CADPS2: variants seen among roughly 807,000 people sequenced by gnomAD.
CADPS2 encodes the protein calcium dependent secretion activator 2.
In CADPS2, 93 loss-of-function variants were observed where a neutral mutation model predicts 172.5. That is an observed-to-expected ratio of 0.54 (90% CI 0.46 to 0.64). The LOEUF (loss-of-function observed/expected upper bound fraction) is 0.64, where lower values mean the gene tolerates loss of function less well. Among genes scored for constraint, CADPS2 ranks in the 30% least tolerant of loss-of-function variants. The pLI is 0.00. For synonymous variants in CADPS2, 546 were observed against 555.2 expected (o/e 0.98, Z 0.23); for missense variants, 1,420 against 1,565.9 (o/e 0.91, Z 1.57).
At chr7:122,378,624 A>C (rs1345452498) in intron 25 of CADPS2, 2 of 151,922 alleles carry the variant, frequency 1.3e-5, no homozygotes, top group African/African-American at 4.8e-5. Context: ...AAGAAGCCTG[A>C]TTTGGGGCTT....
At chr7:122,654,261 C>A (rs1348552590) in intron 3 of CADPS2, among the ~76,000 whole-genome samples, 2 of 152,186 alleles carry the variant, frequency 1.3e-5, no homozygotes, top group Non-Finnish European at 2.9e-5. Context: ...TCCAGAAGAT[C>A]TAGCTAAGAT....
intron 2 of CADPS2, among the ~76,000 whole-genome samples, chr7:122,694,032 A>G (rs769531971): frequency 1.3e-5 from 2 of 152,234 alleles, no homozygotes; most frequent in African/African-American, 2.4e-5. Context: ...GGTTGACATC[A>G]GATAATAATA....
At chr7:122,745,197 ATAT>A (rs942730067) in intron 1 of CADPS2, among the ~76,000 whole-genome samples, 4 of 151,924 alleles carry the variant, frequency 2.6e-5, no homozygotes, top group Admixed American at 6.6e-5. Context: ...AATATAAAAT[ATAT>A]TATTATTAAT....
chr7:122,775,090 G>A (rs2093833661), intron 1 of CADPS2, among the ~76,000 whole-genome samples: 1 of 152,052 alleles, frequency 6.6e-6, no homozygotes, highest in Admixed American at 6.6e-5. Flanking sequence ...TTGCTAGGTT[G>A]TTTTGTGTTA....
At chr7:122,486,391 C>G (rs1478997717) in intron 11 of CADPS2, among the ~76,000 whole-genome samples, 1 of 152,066 alleles carries the variant, frequency 6.6e-6, no homozygotes, top group Non-Finnish European at 1.5e-5. Flanking sequence ...TCAGGGATAA[C>G]TTTAAGGGAT....
chr7:122,720,339 T>C (rs529472515), intron 2 of CADPS2, among the ~76,000 whole-genome samples: 9 of 152,048 alleles, frequency 5.9e-5, no homozygotes, highest in African/African-American at 9.6e-5. Flanking sequence ...AATGCTGTAA[T>C]TGTATATTCT....
intron 1 of CADPS2, 55 bp downstream of exon 1, chr7:122,885,944 G>T: frequency 1.3e-6 from 2 of 1,558,894 alleles, no homozygotes; most frequent in South Asian, 1.2e-5. Context: ...GAGCTCTCCC[G>T]GGAGAAAAAC....
chr7:122,425,832 G>GT (rs1252556717), intron 17 of CADPS2: 1 of 152,054 alleles, frequency 6.6e-6, no homozygotes, highest in Non-Finnish European at 1.5e-5. Flanking sequence ...ATTCCTTCCT[G>GT]TTTTTTAAGT....
Position 122,676,762 on chromosome 7 carries a change from C to T in CADPS2, c.454-13193G>A, listed in dbSNP as rs1588338675. 27 of 1,168,100 alleles carry T rather than the reference C, an allele frequency of 2.3e-5. No individual in the cohort carries two copies. In the East Asian group the frequency reaches 3.4e-4, roughly 15 times the overall value. The allele number at this position is 1,168,100 out of a possible 1,614,324, so 72.4% of individuals were successfully genotyped here. On this transcript the variant is annotated intron_variant, in intron 2 of 29. Coordinates refer to ENST00000449022, the MANE Select transcript of CADPS2 (RefSeq NM_017954.11). ...GCAGATCCAGATTATCATGGAGAAA[C>T]TTCTCCAGACTGTGAACCAAACCAT... is the stretch of plus-strand genomic sequence containing the variant.
intron 7 of CADPS2, among the ~76,000 whole-genome samples, chr7:122,580,735 G>A (rs1211593500): frequency 6.6e-6 from 1 of 152,134 alleles, no homozygotes; most frequent in African/African-American, 2.4e-5. Context: ...AAGTGGAAAA[G>A]ATAAGAGAGA....
chr7:122,627,434 A>T (rs2076187531), intron 4 of CADPS2, among the ~76,000 whole-genome samples: 1 of 152,182 alleles, frequency 6.6e-6, no homozygotes, highest in Non-Finnish European at 1.5e-5. Flanking sequence ...TTTGCTTTCC[A>T]ACCCCATCAG....
At chr7:122,397,049 A>T (rs566492527) in intron 20 of CADPS2, among the ~76,000 whole-genome samples, 1 of 152,284 alleles carries the variant, frequency 6.6e-6, no homozygotes, top group South Asian at 2.1e-4. Flanking sequence ...TAAATAATAC[A>T]GCTATAAGTT....
At chr7:122,802,306 C>T (rs765376933) in intron 1 of CADPS2, among the ~76,000 whole-genome samples, 89 of 152,110 alleles carry the variant, frequency 5.9e-4, no homozygotes, top group Admixed American at 1.4e-3. Context: ...ACCAGAGAAC[C>T]TACGATTATT....
At chr7:122,550,973 G>C (rs545101226) in intron 8 of CADPS2, among the ~76,000 whole-genome samples, 1 of 151,958 alleles carries the variant, frequency 6.6e-6, no homozygotes, top group East Asian at 1.9e-4. Context: ...GGTTTTAAAA[G>C]GATGGAATCA....
At chr7:122,393,775 T>C (rs943683805) in intron 20 of CADPS2, among the ~76,000 whole-genome samples, 193 bp from the exon 21 acceptor site, 7 of 152,164 alleles carry the variant, frequency 4.6e-5, no homozygotes, top group Non-Finnish European at 1.0e-4. Context: ...ATTAGCCTTC[T>C]ATATATGGCT....
At chr7:122,639,889 A>G (rs949511326) in intron 3 of CADPS2, among the ~76,000 whole-genome samples, 9 of 152,176 alleles carry the variant, frequency 5.9e-5, no homozygotes, top group African/African-American at 2.2e-4. Context: ...GCCTATGATC[A>G]TAAGCAGCAT....
At chr7:122,862,408 G>A (rs755877410) in intron 1 of CADPS2, among the ~76,000 whole-genome samples, 1 of 152,162 alleles carries the variant, frequency 6.6e-6, no homozygotes, top group Non-Finnish European at 1.5e-5. Flanking sequence ...AGAGAAAGAA[G>A]ACAGGAGATT....
intron 2 of CADPS2, among the ~76,000 whole-genome samples, chr7:122,718,404 A>C (rs141758250): frequency 2.0e-5 from 3 of 152,112 alleles, no homozygotes; most frequent in East Asian, 3.9e-4. Context: ...AGAGAAGTAG[A>C]AAGAGGGAGG....
At chr7:122,794,752 T>TA (rs200069605) in intron 1 of CADPS2, among the ~76,000 whole-genome samples, 12,245 of 135,152 alleles carry the variant, frequency 0.091, 526 homozygotes, top group South Asian at 0.15. Context: ...GAAATCATTT[T>TA]AAAAAAAAAA....
Sources: allele counts gnomAD v4.1 joint callset (sites outside exome capture counted in the v4.1 genomes callset), GRCh38; gene constraint gnomAD v4.1.1; transcripts MANE v1.5; gene names NCBI Gene and HGNC (gene_info 2026-07-23, HGNC 2026-07-21).